PTGER3: variants seen among roughly 807,000 people sequenced by gnomAD.
The protein encoded by PTGER3 is prostaglandin E receptor 3.
Under a neutral mutation model 34.7 loss-of-function variants are expected in PTGER3, and 22 were observed. The ratio of observed to expected loss-of-function variants is 0.63; its 90% CI spans 0.45 to 0.91. PTGER3 has a LOEUF of 0.91. PTGER3 is among the 40% of genes least tolerant of loss of function. The pLI, the probability that PTGER3 is intolerant of heterozygous loss-of-function variation, is 0.00. For missense variants in PTGER3, 468 were observed against 519.4 expected, an observed-to-expected ratio of 0.90 and a Z score of 0.96; for synonymous variants, 241 against 230.1, an observed-to-expected ratio of 1.05 and a Z score of -0.43.
At chr1:70,989,968 T>C (rs1655280382) in intron 2 of PTGER3, among the ~76,000 whole-genome samples, 1 of 151,980 alleles carries the variant, frequency 6.6e-6, no homozygotes. Context: ...TGTGAAAATA[T>C]ATACATACAT....
intron 4 of PTGER3, among the ~76,000 whole-genome samples, chr1:70,856,723 T>C (rs1312304777): frequency 6.6e-6 from 1 of 152,206 alleles, no homozygotes; most frequent in Non-Finnish European, 1.5e-5. Context: ...GGATTCATAA[T>C]TTGGAAAATG....
At chr1:71,025,293 GT>G (rs976981050) in intron 1 of PTGER3, among the ~76,000 whole-genome samples, 12 of 151,574 alleles carry the variant, frequency 7.9e-5, no homozygotes, top group Admixed American at 1.3e-4. Flanking sequence ...GAACGTTCTG[GT>G]GTTCAGATGA....
chr1:70,934,362 C>T (rs969217003), intron 4 of PTGER3, among the ~76,000 whole-genome samples: 3 of 152,114 alleles, frequency 2.0e-5, no homozygotes, highest in Non-Finnish European at 2.9e-5. Flanking sequence ...TGCATCATCA[C>T]GAAGATGCCT....
chr1:70,877,527 G>A (rs1309559709), intron 4 of PTGER3, among the ~76,000 whole-genome samples: 1 of 152,096 alleles, frequency 6.6e-6, no homozygotes, highest in African/African-American at 2.4e-5. Context: ...TCTTTGTCTT[G>A]TTCCGGTTCT....
chr1:70,882,524 A>G (rs1572539794), intron 4 of PTGER3, among the ~76,000 whole-genome samples: 1 of 152,288 alleles, frequency 6.6e-6, no homozygotes, highest in East Asian at 1.9e-4. Context: ...TTTCTCCCAG[A>G]CACTGCAAAT....
chr1:70,852,578 T>C (rs959), exon 5 of PTGER3: 111,495 of 509,536 alleles, frequency 0.22, 14,234 homozygotes, highest in East Asian at 0.39. Flanking sequence ...ATTTTACATA[T>C]GATAATGTAT....
chr1:71,031,043 C>T (rs894599260), intron 1 of PTGER3, among the ~76,000 whole-genome samples: 2 of 152,040 alleles, frequency 1.3e-5, no homozygotes, highest in African/African-American at 4.8e-5. Context: ...GCAACTGAAA[C>T]ATGGGAATGA....
intron 1 of PTGER3, among the ~76,000 whole-genome samples, chr1:71,040,172 GAGGGAAGGGA>G (rs1047090352): frequency 2.6e-5 from 4 of 151,526 alleles, no homozygotes; most frequent in African/African-American, 9.7e-5. Flanking sequence ...GAGAGGAGGA[GAGGGAAGGGA>G]AGGGAAGGGA....
chr1:71,040,729 A>G (rs1660242877), intron 1 of PTGER3, among the ~76,000 whole-genome samples: 1 of 152,240 alleles, frequency 6.6e-6, no homozygotes. Flanking sequence ...TGACCTTAGC[A>G]GAACTAAAAG....
At chr1:71,035,654 T>A (rs1347134417) in intron 1 of PTGER3, among the ~76,000 whole-genome samples, 1 of 152,234 alleles carries the variant, frequency 6.6e-6, no homozygotes, top group Non-Finnish European at 1.5e-5. Context: ...CCTACAGCTT[T>A]CAGTTGTTTT....
chr1:70,978,597 G>C (rs528139665), intron 2 of PTGER3, among the ~76,000 whole-genome samples: 19 of 152,236 alleles, frequency 1.2e-4, no homozygotes, highest in Admixed American at 3.3e-4. Flanking sequence ...ATTGATTCCT[G>C]CCTTGCAGGA....
At chr1:70,953,127 A>G in intron 3 of PTGER3, 5 of 1,339,342 alleles carry the variant, frequency 3.7e-6, no homozygotes, top group Non-Finnish European at 5.0e-6. Context: ...TAAAAATAAT[A>G]CAAATAAAAA....
chr1:70,887,455 T>C (rs964296067), intron 4 of PTGER3, among the ~76,000 whole-genome samples: 4 of 152,318 alleles, frequency 2.6e-5, no homozygotes, highest in Non-Finnish European at 4.4e-5. Flanking sequence ...GTCCTGTTGG[T>C]AACATTCCTG....
intron 4 of PTGER3, among the ~76,000 whole-genome samples, chr1:70,865,339 T>G (rs573579129): frequency 2.0e-5 from 3 of 151,862 alleles, no homozygotes; most frequent in African/African-American, 7.3e-5. Context: ...CCAGCAGTAG[T>G]GAGGAAGGAT....
At chr1:70,880,625 G>T (rs939262237) in intron 4 of PTGER3, among the ~76,000 whole-genome samples, 4 of 151,468 alleles carry the variant, frequency 2.6e-5, no homozygotes, top group Non-Finnish European at 5.9e-5. Flanking sequence ...AGGAGGCGGA[G>T]GTTGCAGTGA....
chr1:70,953,086 A>C, intron 3 of PTGER3: 1 of 1,539,208 alleles, frequency 6.5e-7, no homozygotes, highest in South Asian at 1.3e-5. Flanking sequence ...ATATTGAGAA[A>C]AGAAAATAAT....
chr1:70,995,703 A>T (rs1655876467), intron 2 of PTGER3, among the ~76,000 whole-genome samples: 1 of 152,150 alleles, frequency 6.6e-6, no homozygotes, highest in Non-Finnish European at 1.5e-5. Context: ...CTAGCTAACT[A>T]AAAATTTGAT....
intron 4 of PTGER3, among the ~76,000 whole-genome samples, chr1:70,944,853 G>A (rs1197924940): frequency 1.3e-5 from 2 of 152,036 alleles, no homozygotes; most frequent in African/African-American, 4.8e-5. Flanking sequence ...AGGTAAAAAG[G>A]GTTTTGGGTC....
chr1:70,904,239 T>C (rs556678654), intron 4 of PTGER3, among the ~76,000 whole-genome samples: 1 of 152,326 alleles, frequency 6.6e-6, no homozygotes, highest in South Asian at 2.1e-4. Flanking sequence ...CTCTTTATTT[T>C]GTAAATTTCC....
Sources: gnomAD v4.1 joint callset for allele counts (sites outside exome capture counted in the v4.1 genomes callset) on GRCh38, gnomAD v4.1.1 for gene constraint, MANE v1.5 for transcripts, NCBI Gene and HGNC (gene_info 2026-07-23, HGNC 2026-07-21) for gene names.